The following RAD51B variants were observed in gnomAD, a reference collection of about 807,000 sequenced individuals.
RAD51B encodes DNA repair protein RAD51 homolog 2.
In RAD51B, 38 loss-of-function variants were observed where a neutral mutation model predicts 42.2. That is an observed-to-expected ratio of 0.90 (90% CI 0.70 to 1.18). RAD51B has a LOEUF of 1.18. RAD51B is among the 50% of genes most tolerant of loss of function. The pLI, the probability that RAD51B is intolerant of heterozygous loss-of-function variation, is 0.00. For missense variants in RAD51B, 373 were observed against 400.7 expected (o/e 0.93, Z 0.59); for synonymous variants, 154 against 145.2 (o/e 1.06, Z -0.43).
intron 11 of RAD51B, among the ~76,000 whole-genome samples, chr14:68,676,831 G>A (rs1044873550): frequency 6.6e-6 from 1 of 152,216 alleles, no homozygotes; most frequent in Non-Finnish European, 1.5e-5. Flanking sequence ...GGGCGTCCCC[G>A]CCCAGGAGCC....
chr14:68,665,431 A>G (rs1354047211), intron 11 of RAD51B, among the ~76,000 whole-genome samples: 1 of 152,232 alleles, frequency 6.6e-6, no homozygotes, highest in Non-Finnish European at 1.5e-5. Flanking sequence ...ATTCCTGGCC[A>G]AGTTCCCTAT....
intron 9 of RAD51B, among the ~76,000 whole-genome samples, chr14:68,463,850 A>G (rs555003053): frequency 1.4e-3 from 211 of 152,308 alleles, no homozygotes; most frequent in Admixed American, 2.5e-3. Flanking sequence ...TGCATCAGGC[A>G]TGGTTTCCTG....
chr14:68,545,128 G>A (rs1888154013), intron 10 of RAD51B, among the ~76,000 whole-genome samples: 1 of 152,218 alleles, frequency 6.6e-6, no homozygotes, highest in Non-Finnish European at 1.5e-5. Flanking sequence ...ATGAGTTTCT[G>A]TTCAGATGGA....
At chr14:68,326,219 T>G (rs1179262648) in intron 8 of RAD51B, among the ~76,000 whole-genome samples, 1 of 151,908 alleles carries the variant, frequency 6.6e-6, no homozygotes, top group Non-Finnish European at 1.5e-5. Flanking sequence ...GTTGTATTTT[T>G]AATAGAGACG....
intron 7 of RAD51B, among the ~76,000 whole-genome samples, chr14:68,092,839 T>A (rs1432959906): frequency 6.6e-6 from 1 of 152,110 alleles, no homozygotes; most frequent in Non-Finnish European, 1.5e-5. Context: ...TGTGGGTTTG[T>A]CATAGATAGC....
intron 10 of RAD51B, among the ~76,000 whole-genome samples, chr14:68,556,443 C>T (rs1465375364): frequency 6.6e-6 from 1 of 152,030 alleles, no homozygotes; most frequent in Non-Finnish European, 1.5e-5. Flanking sequence ...GCTCCTAAAG[C>T]CATCAGGTGG....
intron 7 of RAD51B, among the ~76,000 whole-genome samples, chr14:68,028,817 C>T (rs2075995200): frequency 6.6e-6 from 1 of 152,198 alleles, no homozygotes; most frequent in South Asian, 2.1e-4. Flanking sequence ...CCTCAGCGGT[C>T]AGCTGGGTTA....
chr14:67,850,770 C>T (rs2041779354), intron 4 of RAD51B, among the ~76,000 whole-genome samples: 1 of 152,136 alleles, frequency 6.6e-6, no homozygotes, highest in South Asian at 2.1e-4. Context: ...GAAAAGCTCC[C>T]AGTGAATTGT....
At chr14:67,994,077 T>C (rs1459129639) in intron 7 of RAD51B, among the ~76,000 whole-genome samples, 1 of 152,130 alleles carries the variant, frequency 6.6e-6, no homozygotes. Flanking sequence ...GAGGTAGAAT[T>C]TGTTTTTTCA....
intron 11 of RAD51B, among the ~76,000 whole-genome samples, chr14:68,668,742 G>C (rs571758877): frequency 6.6e-6 from 1 of 152,310 alleles, no homozygotes; most frequent in South Asian, 2.1e-4. Context: ...CCCCAGGCAC[G>C]CTGATCCGTG....
Position 68,264,520 on chromosome 14 carries a change from G to A in RAD51B, c.757-27364G>A, listed in dbSNP as rs545799808. On this transcript the variant is annotated intron_variant, in intron 7 of 10. Coordinates refer to ENST00000471583, the MANE Select transcript of RAD51B (RefSeq NM_133510.4). Reference sequence around the variant, plus strand: ...AGTGAGAGATGCTTTGGAGTTATCTGGGACCTCATTTATTCTGGTGGAATG... The same window carrying A: ...AGTGAGAGATGCTTTGGAGTTATCTAGGACCTCATTTATTCTGGTGGAATG... 5.9e-5 allele frequency among the ~76,000 whole-genome samples: 9 copies of A among 152,334 alleles called. No homozygotes were observed. The South Asian group carries it at 1.9e-3, about 32-fold the overall frequency.
intron 9 of RAD51B, among the ~76,000 whole-genome samples, chr14:68,464,222 A>G (rs1419437226): frequency 6.6e-6 from 1 of 152,074 alleles, no homozygotes; most frequent in Non-Finnish European, 1.5e-5. Flanking sequence ...TTACCTTCCC[A>G]TCAATTCAGC....
chr14:68,577,655 C>T (rs991350860), intron 10 of RAD51B, among the ~76,000 whole-genome samples: 13 of 152,158 alleles, frequency 8.5e-5, no homozygotes, highest in Admixed American at 3.3e-4. Flanking sequence ...CCGCCTACCA[C>T]GGCCTCCCAG....
chr14:68,611,552 C>T, exon 11 of RAD51B: 1 of 441,800 alleles, frequency 2.3e-6, no homozygotes, highest in South Asian at 2.6e-5. Flanking sequence ...TTAAGCCTTG[C>T]AGCTCCTAGG....
chr14:67,912,139 C>T (rs1298427859), intron 7 of RAD51B, among the ~76,000 whole-genome samples: 1 of 152,092 alleles, frequency 6.6e-6, no homozygotes. Context: ...ATTTAGAGGG[C>T]TTAATTAGTC....
At chr14:68,594,808 T>C (rs1595010206) in exon 11 of RAD51B, 2 of 1,235,192 alleles carry the variant, frequency 1.6e-6, no homozygotes, top group Non-Finnish European at 2.1e-6. Flanking sequence ...AAGGGGGCAA[T>C]GGAGTGACAG....
chr14:68,222,653 G>A (rs1054449817), intron 7 of RAD51B, among the ~76,000 whole-genome samples: 2 of 152,150 alleles, frequency 1.3e-5, no homozygotes, highest in East Asian at 1.9e-4. Flanking sequence ...AAACACCTCT[G>A]TTCCCCAAAA....
chr14:68,201,182 C>T (rs1165727956), intron 7 of RAD51B, among the ~76,000 whole-genome samples: 2 of 152,122 alleles, frequency 1.3e-5, no homozygotes, highest in Non-Finnish European at 2.9e-5. Context: ...AGTACTGTTA[C>T]ACACTTTAAA....
intron 8 of RAD51B, among the ~76,000 whole-genome samples, chr14:68,333,021 G>C (rs115724487): frequency 0.016 from 2,395 of 152,232 alleles, 54 homozygotes; most frequent in African/African-American, 0.05. Flanking sequence ...GAGAACCAGA[G>C]GACCCTGTCC....
Sources: allele counts gnomAD v4.1 joint callset (sites outside exome capture counted in the v4.1 genomes callset), GRCh38; gene constraint gnomAD v4.1.1; transcripts MANE v1.5; gene names NCBI Gene and HGNC (gene_info 2026-07-23, HGNC 2026-07-21).